Variants in ERI1 observed in about 807,000 individuals in gnomAD.
ERI1 encodes the protein 3'-5' exoribonuclease 1.
Under a neutral mutation model 39.7 loss-of-function variants are expected in ERI1, and 39 were observed. That is an observed-to-expected ratio of 0.98 (90% CI 0.76 to 1.28). ERI1 has a LOEUF of 1.28. Ranked by LOEUF, ERI1 falls within the 50% of genes most tolerant of loss-of-function variation. The probability of loss-of-function intolerance (pLI) is 0.00; values close to 1 mark genes in which losing one functional copy is unlikely to be tolerated. For synonymous variants in ERI1, 204 were observed against 149.6 expected (o/e 1.36, Z -2.65); for missense variants, 581 against 416.9 (o/e 1.39, Z -3.43).
chr8:9,054,836 G>A (rs1260125600), intron 3 of ERI1, among the ~76,000 whole-genome samples: 3 of 152,250 alleles, frequency 2.0e-5, no homozygotes, highest in Non-Finnish European at 2.9e-5. Context: ...GCTGAGACAG[G>A]AGACTCGGTT....
intron 4 of ERI1, among the ~76,000 whole-genome samples, chr8:9,017,166 A>C (rs1020771179): frequency 1.3e-5 from 2 of 152,064 alleles, no homozygotes; most frequent in African/African-American, 4.8e-5. Context: ...CAGCCTCCCA[A>C]GTAGCTGAGA....
intron 3 of ERI1, among the ~76,000 whole-genome samples, chr8:9,081,217 A>T (rs1799355366): frequency 6.6e-6 from 1 of 152,130 alleles, no homozygotes; most frequent in African/African-American, 2.4e-5. Context: ...TCCCACCAGG[A>T]CCCTCTGTTG....
At position 9,053,899 on chromosome 8, in the gene ERI1, T is replaced by A. The variant is rs1016737533; in HGVS notation, n.299+33435T>A. On this transcript the variant is annotated intron_variant and non_coding_transcript_variant, in intron 3 of 3. Coordinates refer to the ERI1 transcript ENST00000518663. ...CACGTTCAAATCATTGATAACAGAG[T>A]ATAGTATTCTCTTTCTCTGCTTTCT... Among the ~76,000 whole-genome samples the A allele has an allele frequency of 2.0e-5, 3 of 152,276 alleles. No individual in the cohort carries two copies. The South Asian group carries it at 6.2e-4, about 32-fold the overall frequency.
rs1815518843 is a variant in ERI1, at chr8:9,002,926, T to TGGAGTTTGTGTGGCCGCC, written c.-136_-119dup. On this transcript the variant is annotated 5_prime_UTR_variant, in exon 1 of 7. Coordinates refer to ENST00000250263, the MANE Select transcript of ERI1 (RefSeq NM_153332.4). ...GCTCCCGGAAGTGGGAGGTGGCCGC[T>TGGAGTTTGTGTGGCCGCC]GGAGTTTGTGTGGCCGCCGCCGCGG... 1.8e-6 allele frequency: 1 copy of TGGAGTTTGTGTGGCCGCC among 547,336 alleles called. No individual in the cohort carries two copies. Among genetic ancestry groups the TGGAGTTTGTGTGGCCGCC allele is most frequent in the African/African-American group, 1.9e-5 (1 of 51,392 alleles). 33.9% of individuals were successfully genotyped at this position (547,336 alleles called of 1,614,324 possible). A position where few individuals can be genotyped will look rare whatever the true frequency, so the allele number is the denominator to read the frequency against.
intron 6 of ERI1, among the ~76,000 whole-genome samples, chr8:9,025,703 TGTG>T (rs950073075): frequency 6.7e-5 from 9 of 134,712 alleles, no homozygotes; most frequent in African/African-American, 2.1e-4. Flanking sequence ...CTTTTTTTTT[TGTG>T]TGTGTGTGTG....
intron 3 of ERI1, among the ~76,000 whole-genome samples, chr8:9,083,636 T>TA (rs11434262): frequency 0.5 from 72,565 of 144,814 alleles, 18,850 homozygotes; most frequent in African/African-American, 0.62. Context: ...TGGTCCATGT[T>TA]AAAAAAAAAA....
chr8:9,093,290 A>G (rs1310042063), intron 3 of ERI1, among the ~76,000 whole-genome samples: 1 of 152,146 alleles, frequency 6.6e-6, no homozygotes, highest in Non-Finnish European at 1.5e-5. Flanking sequence ...AAGTTTATGA[A>G]TCTGTGTTGG....
At chr8:9,049,297 C>T (rs948966284) in intron 3 of ERI1, among the ~76,000 whole-genome samples, 3 of 121,900 alleles carry the variant, frequency 2.5e-5, no homozygotes, top group African/African-American at 6.2e-5. Context: ...GAGCACGCCA[C>T]TGTACTCCAG....
chr8:9,014,952 C>G (rs1296926391), intron 3 of ERI1, among the ~76,000 whole-genome samples: 3 of 152,148 alleles, frequency 2.0e-5, no homozygotes, highest in African/African-American at 7.2e-5. Flanking sequence ...ATTATCCCAC[C>G]TCAGCTCCTT....
At chr8:9,040,012 T>C (rs1563349853) in intron 3 of ERI1, among the ~76,000 whole-genome samples, 1 of 152,210 alleles carries the variant, frequency 6.6e-6, no homozygotes, top group African/African-American at 2.4e-5. Context: ...CTAAACTCTT[T>C]TTGTTTTGAC....
chr8:9,040,253 C>T (rs894618979), intron 3 of ERI1, among the ~76,000 whole-genome samples: 3 of 152,218 alleles, frequency 2.0e-5, no homozygotes, highest in South Asian at 2.1e-4. Context: ...CACTTTACCA[C>T]ATATTCACAT....
intron 2 of ERI1, among the ~76,000 whole-genome samples, chr8:9,011,013 C>G (rs888353831): frequency 3.9e-5 from 6 of 152,132 alleles, no homozygotes; most frequent in Admixed American, 3.9e-4. Context: ...AGACATTCAC[C>G]TTTATATGCT....
chr8:9,004,236 A>G (rs1395924076), intron 1 of ERI1: 2 of 1,240,232 alleles, frequency 1.6e-6, no homozygotes, highest in Admixed American at 5.2e-5. Context: ...CTTCTCTTGT[A>G]AAGAACCACT....
At chr8:9,027,016 T>A (rs1797214887) in intron 6 of ERI1, among the ~76,000 whole-genome samples, 1 of 152,158 alleles carries the variant, frequency 6.6e-6, no homozygotes, top group Non-Finnish European at 1.5e-5. Flanking sequence ...TAATTCTATG[T>A]TTAATTTTTT....
intron 3 of ERI1, among the ~76,000 whole-genome samples, chr8:9,085,576 C>G (rs896023242): frequency 2.6e-5 from 4 of 151,522 alleles, no homozygotes; most frequent in Non-Finnish European, 5.9e-5. Context: ...TGTATTGCCT[C>G]TCTCTGCTTG....
intron 3 of ERI1, among the ~76,000 whole-genome samples, chr8:9,045,769 C>T (rs1010530183): frequency 5.3e-5 from 8 of 151,478 alleles, no homozygotes; most frequent in Non-Finnish European, 7.4e-5. Context: ...CTCCACCTCC[C>T]GGGTTCAAGT....
chr8:9,036,257 A>ATTT (rs1375225499), downstream of ERI1, among the ~76,000 whole-genome samples: 1 of 152,238 alleles, frequency 6.6e-6, no homozygotes, highest in Non-Finnish European at 1.5e-5. Context: ...AAACAGCATG[A>ATTT]TAAAGAGAAA....
At chr8:9,088,286 A>C (rs1327523381) in intron 3 of ERI1, among the ~76,000 whole-genome samples, 2 of 152,080 alleles carry the variant, frequency 1.3e-5, no homozygotes, top group African/African-American at 4.8e-5. Context: ...AAAAAAATTA[A>C]AGTGTTTTCT....
chr8:9,077,973 C>G (rs1455644429), intron 3 of ERI1, among the ~76,000 whole-genome samples: 1 of 152,126 alleles, frequency 6.6e-6, no homozygotes, highest in Admixed American at 6.6e-5. Flanking sequence ...TGACACTGAT[C>G]CAGCCTATCT....
Sources: allele counts gnomAD v4.1 joint callset (sites outside exome capture counted in the v4.1 genomes callset), GRCh38; gene constraint gnomAD v4.1.1; transcripts MANE v1.5; gene names NCBI Gene and HGNC (gene_info 2026-07-23, HGNC 2026-07-21).